Variants in SIK3 observed in about 807,000 individuals in gnomAD.
SIK3 encodes the protein SIK family kinase 3.
Under a neutral mutation model 144.2 loss-of-function variants are expected in SIK3, and 28 were observed. The observed-to-expected ratio is 0.19, with a 90% confidence interval of 0.14 to 0.27. The LOEUF (loss-of-function observed/expected upper bound fraction) is 0.27, where lower values mean the gene tolerates loss of function less well. Ranked by LOEUF, SIK3 falls within the 10% of genes least tolerant of loss-of-function variation. SIK3 has a pLI of 1.00. For missense variants in SIK3, 1,319 were observed against 1,776.0 expected (o/e 0.74, Z 4.62); for synonymous variants, 686 against 676.3 (o/e 1.01, Z -0.22).
At chr11:116,924,550 A>G (rs889186306) in intron 4 of SIK3, among the ~76,000 whole-genome samples, 5 of 152,148 alleles carry the variant, frequency 3.3e-5, no homozygotes, top group African/African-American at 1.2e-4. Context: ...CTTTTTCAAA[A>G]CACACAAGAC....
At chr11:116,977,500 T>C (rs1017054016) in intron 1 of SIK3, among the ~76,000 whole-genome samples, 26 of 152,292 alleles carry the variant, frequency 1.7e-4, no homozygotes, top group African/African-American at 5.3e-4. Context: ...TAGGGTTTCT[T>C]TGTCCTCTGG....
chr11:117,027,244 G>A (rs1952050079), intron 1 of SIK3, among the ~76,000 whole-genome samples: 1 of 152,122 alleles, frequency 6.6e-6, no homozygotes, highest in South Asian at 2.1e-4. Context: ...CATCTCTGTA[G>A]AGAAAACATG....
rs1445491850 is a variant in SIK3 at position 117,015,266 on chromosome 11, G to A, written c.274-58202C>T. 5.9e-5 allele frequency among the ~76,000 whole-genome samples: 9 copies of A among 151,900 alleles called. 1 individual carries two copies. The East Asian group carries it at 1.5e-3, about 26-fold the overall frequency. ...ATACCACTATATTCCTACTACATTA[G>A]GAATTTTTAATTTAATTATTTAAAT... On this transcript the variant is annotated intron_variant, in intron 1 of 24. Transcript: ENST00000445177.
intron 1 of SIK3, among the ~76,000 whole-genome samples, chr11:117,071,459 G>C (rs1259998763): frequency 6.6e-6 from 1 of 151,876 alleles, no homozygotes; most frequent in Non-Finnish European, 1.5e-5. Context: ...AAGCTCATAA[G>C]GACAGAGGCC....
intron 3 of SIK3, among the ~76,000 whole-genome samples, chr11:116,945,309 C>T (rs1484132336): frequency 6.6e-6 from 1 of 151,624 alleles, no homozygotes; most frequent in Non-Finnish European, 1.5e-5. Flanking sequence ...TTCATCTCTC[C>T]AACCTTCATA....
intron 1 of SIK3, among the ~76,000 whole-genome samples, chr11:117,003,806 A>G (rs753948151): frequency 2.0e-5 from 3 of 152,176 alleles, no homozygotes; most frequent in Non-Finnish European, 4.4e-5. Context: ...AAACAATTCA[A>G]GCTGAGAATT....
chr11:116,909,318 GA>G (rs200905431), intron 4 of SIK3, among the ~76,000 whole-genome samples: 12,509 of 135,706 alleles, frequency 0.092, 590 homozygotes, highest in African/African-American at 0.13. Flanking sequence ...ACTACTAAAA[GA>G]AAAAAAAAAA....
At chr11:117,086,702 AAGTC>A (rs1472818351) in intron 1 of SIK3, among the ~76,000 whole-genome samples, 1 of 151,428 alleles carries the variant, frequency 6.6e-6, no homozygotes, top group Admixed American at 6.6e-5. Context: ...AAAAAAAAAA[AAGTC>A]AGTGGAGAGG....
At chr11:116,870,898 G>A (rs374063600) in intron 13 of SIK3, among the ~76,000 whole-genome samples, 2 of 152,162 alleles carry the variant, frequency 1.3e-5, no homozygotes, top group South Asian at 2.1e-4. Context: ...GAAGAAAAGA[G>A]AAGGCCTGTA....
chr11:116,999,626 G>T (rs535306386), intron 1 of SIK3, among the ~76,000 whole-genome samples: 10 of 151,884 alleles, frequency 6.6e-5, no homozygotes, highest in Admixed American at 5.9e-4. Context: ...TAGAGATGGG[G>T]TTTCACCAGG....
At position 116,858,576 on chromosome 11, in the gene SIK3, A is replaced by G. The variant is rs1943117219; in HGVS notation, c.2889T>C (p.Ser963=). ...SYSPSTGVGF[S]PTQALKVPPL... is the part of the protein sequence containing the mutation. ...GAGGGACTTTCAGGGCTTGGGTTGG[A>G]GAGAACCCCACTCCTGTTGAAGGGC... The change falls in exon 21 of 25, where the codon TCT becomes TCC. Residue 963 remains serine (S), a synonymous_variant. Coordinates refer to ENST00000445177, the MANE Select transcript of SIK3 (RefSeq NM_001366686.3). The surrounding 1 kb of genome is among the most constrained non-coding windows in gnomAD (Gnocchi z 5.4). 6.2e-7 allele frequency: 1 copy of G among 1,613,670 alleles called. No homozygotes were observed. The highest frequency in any genetic ancestry group is 2.2e-5 in the East Asian group (1 of 44,868).
In SIK3 at chr11:117,013,905, G is replaced by GT. The variant is rs1555127056; in HGVS notation, c.274-56842_274-56841insA. Among the ~76,000 whole-genome samples the GT allele has an allele frequency of 6.0e-3, 283 of 47,304 alleles. 14 individuals are homozygous for GT. The highest frequency in any genetic ancestry group is 0.016 in the African/African-American group (246 of 14,972). The allele number at this position is 47,304 out of a possible 152,430, so 31.0% of individuals were successfully genotyped here. On this transcript the variant is annotated intron_variant, in intron 1 of 24. Coordinates refer to ENST00000445177, the MANE Select transcript of SIK3 (RefSeq NM_001366686.3). ...TATAAGTCTCCAGATTCTGAGGGGG[G>GT]GGGGGGGAGGGTGTGTGTGTGTGTG...
chr11:117,091,189 G>GTTTT (rs1009535801), intron 1 of SIK3, among the ~76,000 whole-genome samples: 1 of 124,988 alleles, frequency 8.0e-6, no homozygotes. Flanking sequence ...AAATCCTGAG[G>GTTTT]TTTTTTTTTT....
rs771368681 is a variant in SIK3, at chr11:116,859,566, G to A, written c.2464C>T (p.Arg822Cys). The change falls in exon 20 of 25, where the codon CGC (arginine) becomes TGC (cysteine). Residue 822 changes from arginine (R) to cysteine (C), a missense_variant. Arg to Cys is a radical substitution (Grantham distance 180, BLOSUM62 -3). This residue lies in a region of SIK3 where 646 missense variants were observed against 763.7 expected (regional missense o/e 0.85). Coordinates refer to ENST00000445177, the MANE Select transcript of SIK3 (RefSeq NM_001366686.3). ...SSSQFQGLPS[R>C]SAIFQQQPEN... ...GGTTGCTGCTGAAAGATTGCACTGC[G>A]GGAAGGTAAGCCTTGAAACTGGGAA... 1.2e-5 allele frequency: 20 copies of A among 1,614,038 alleles called. No individual in the cohort carries two copies. Among genetic ancestry groups the A allele is most frequent in the Admixed American group, 6.7e-5 (4 of 60,006 alleles).
intron 1 of SIK3, among the ~76,000 whole-genome samples, chr11:117,065,758 T>C (rs1953982497): frequency 6.6e-6 from 1 of 151,942 alleles, no homozygotes; most frequent in African/African-American, 2.4e-5. Context: ...GCCACCCTAG[T>C]AGCTGGTATT....
chr11:116,855,700 C>G (rs979601951), intron 21 of SIK3: 11 of 152,256 alleles, frequency 7.2e-5, no homozygotes, highest in African/African-American at 2.4e-4. Context: ...GCTCGGTGAG[C>G]ATCTCTCGTG....
intron 4 of SIK3, among the ~76,000 whole-genome samples, chr11:116,910,229 C>T (rs901900806): frequency 6.6e-6 from 1 of 151,870 alleles, no homozygotes; most frequent in Non-Finnish European, 1.5e-5. Flanking sequence ...CTAACAAGAG[C>T]TGTTAACGAA....
At chr11:116,931,912 G>A (rs1012439597) in intron 3 of SIK3, among the ~76,000 whole-genome samples, 1 of 152,180 alleles carries the variant, frequency 6.6e-6, no homozygotes, top group African/African-American at 2.4e-5. Flanking sequence ...TAGAGGAAGA[G>A]GGTTTGTCAT....
chr11:116,872,741 A>G (rs191139214), intron 13 of SIK3, among the ~76,000 whole-genome samples: 1 of 152,332 alleles, frequency 6.6e-6, no homozygotes, highest in Admixed American at 6.5e-5. Flanking sequence ...CACTTTTACT[A>G]TATTTTACAA....
Sources: gnomAD v4.1 joint callset for allele counts (sites outside exome capture counted in the v4.1 genomes callset) on GRCh38, gnomAD v4.1.1 for gene constraint, gnomAD v4.1.1 regional missense constraint, Gnocchi (gnomAD v3.1) non-coding constraint, MANE v1.5 for transcripts, NCBI Gene and HGNC (gene_info 2026-07-23, HGNC 2026-07-21) for gene names.